The following COL22A1 variants were observed in gnomAD, a reference collection of about 807,000 sequenced individuals.
COL22A1 encodes collagen type XXII alpha 1 chain.
A neutral mutation model predicts 248.9 loss-of-function variants in COL22A1; 221 were observed. That is an observed-to-expected ratio of 0.89 (90% CI 0.80 to 0.99). The LOEUF is 0.99. Ranked by LOEUF, COL22A1 falls within the 50% of genes least tolerant of loss-of-function variation. COL22A1 has a pLI of 0.00. For missense variants in COL22A1, 2,240 were observed against 2,179.0 expected (o/e 1.03, Z -0.56); for synonymous variants, 891 against 793.4 (o/e 1.12, Z -2.07).
chr8:138,636,806 A>G lies in COL22A1; in HGVS notation c.3502-11T>C, dbSNP rs756869287. 1.2e-6 allele frequency: 2 copies of G among 1,609,882 alleles called. No individual in the cohort carries two copies. The highest frequency in any genetic ancestry group is 2.2e-5 in the South Asian group (2 of 90,778). On this transcript the variant is annotated splice_polypyrimidine_tract_variant and intron_variant, in intron 47 of 64. Coordinates refer to ENST00000303045, the MANE Select transcript of COL22A1 (RefSeq NM_152888.3). ...TTCTCCTTGACTTCCCTTGAAAGGA[A>G]AAAAAAGAAAAGAAAGATGTCACTG...
At chr8:138,702,225 C>T (rs1828027196) in intron 31 of COL22A1, among the ~76,000 whole-genome samples, 1 of 152,188 alleles carries the variant, frequency 6.6e-6, no homozygotes, top group Non-Finnish European at 1.5e-5. Context: ...CTGCCCTGCA[C>T]CCCTGCCAAT....
chr8:138,725,486 G>A (rs1450069018), intron 23 of COL22A1, 46 bp from the exon 24 acceptor site: 2 of 1,534,498 alleles, frequency 1.3e-6, no homozygotes, highest in East Asian at 4.5e-5. Flanking sequence ...GTCCTGATGA[G>A]CCTCCTAGGG....
rs544123920 is a variant in COL22A1, at chr8:138,896,930, G to C, written c.-72-13686C>G. Among the ~76,000 whole-genome samples the C allele has an allele frequency of 2.6e-5, 4 of 151,780 alleles. No homozygotes were observed. The South Asian group carries it at 8.3e-4, about 32-fold the overall frequency. On this transcript the variant is annotated intron_variant, in intron 1 of 64. Coordinates refer to ENST00000303045, the MANE Select transcript of COL22A1 (RefSeq NM_152888.3). ...AGAGGTTACAGTGAGCCAAGATTGTGCCACTGCACTCCAGCCTGGGTGACA... is the reference window on the plus strand; with the variant it reads ...AGAGGTTACAGTGAGCCAAGATTGTCCCACTGCACTCCAGCCTGGGTGACA...
At chr8:138,884,665 A>G (rs566529854) in intron 1 of COL22A1, among the ~76,000 whole-genome samples, 1 of 152,294 alleles carries the variant, frequency 6.6e-6, no homozygotes, top group African/African-American at 2.4e-5. Flanking sequence ...CCATGAAATG[A>G]CATCCTACGA....
At chr8:138,705,911 G>A (rs1828391970) in intron 30 of COL22A1, among the ~76,000 whole-genome samples, 1 of 152,092 alleles carries the variant, frequency 6.6e-6, no homozygotes, top group Non-Finnish European at 1.5e-5. Context: ...GACACACATA[G>A]GCTCAAAACA....
intron 23 of COL22A1, among the ~76,000 whole-genome samples, chr8:138,726,824 A>C (rs1830353956): frequency 6.6e-6 from 1 of 152,226 alleles, no homozygotes; most frequent in Non-Finnish European, 1.5e-5. Context: ...CTCAGAGGCC[A>C]CGGGCTGTCA....
At chr8:138,645,898 T>C (rs1235974855) in intron 47 of COL22A1, among the ~76,000 whole-genome samples, 2 of 152,056 alleles carry the variant, frequency 1.3e-5, no homozygotes, top group Non-Finnish European at 2.9e-5. Flanking sequence ...CCACAAGAGA[T>C]AAGGGAGCAC....
At chr8:138,633,368 G>C (rs187810076) in intron 49 of COL22A1, among the ~76,000 whole-genome samples, 295 of 152,254 alleles carry the variant, frequency 1.9e-3, no homozygotes, top group Middle Eastern at 3.4e-3. Flanking sequence ...ACATCATCTA[G>C]CATGAGAATA....
intron 3 of COL22A1, among the ~76,000 whole-genome samples, chr8:138,866,276 A>T (rs1822886716): frequency 1.3e-5 from 2 of 152,194 alleles, no homozygotes. Context: ...TCATTCTCTG[A>T]CAAGTGTAAA....
At chr8:138,660,981 C>CAG (rs1823873430) in intron 43 of COL22A1, among the ~76,000 whole-genome samples, 1 of 138,954 alleles carries the variant, frequency 7.2e-6, no homozygotes, top group Non-Finnish European at 1.6e-5. Flanking sequence ...CACATACACA[C>CAG]ACACATACAC....
chr8:138,806,129 GGTGTGTGGTGGTGT>G (rs1563788646), intron 10 of COL22A1, among the ~76,000 whole-genome samples: 10 of 93,818 alleles, frequency 1.1e-4, no homozygotes, highest in African/African-American at 1.2e-4. Context: ...TGTAGGTAAT[GGTGTGTGGTGGTGT>G]GTGTGTGATG....
intron 39 of COL22A1, among the ~76,000 whole-genome samples, chr8:138,680,751 A>G (rs1469642636): frequency 6.6e-6 from 1 of 152,214 alleles, no homozygotes; most frequent in East Asian, 1.9e-4. Context: ...ATGAAAGATG[A>G]CCTCAAATTC....
chr8:138,881,805 T>C (rs925427595), intron 2 of COL22A1, among the ~76,000 whole-genome samples: 6 of 152,206 alleles, frequency 3.9e-5, no homozygotes, highest in African/African-American at 4.8e-5. Context: ...ATCCCACCTG[T>C]CTGTGTATCG....
intron 12 of COL22A1, among the ~76,000 whole-genome samples, chr8:138,783,297 A>AT (rs1563758261): frequency 1.3e-5 from 2 of 151,782 alleles, no homozygotes; most frequent in South Asian, 2.1e-4. Context: ...AAATATATAT[A>AT]TATTTTTTTC....
intron 62 of COL22A1, 74 bp from the exon 63 acceptor site, chr8:138,594,273 C>A: frequency 7.4e-7 from 1 of 1,350,786 alleles, no homozygotes; most frequent in South Asian, 1.4e-5. Flanking sequence ...TACTCACTGA[C>A]AACTCAGAAC....
rs73723537 is a variant in COL22A1, at chr8:138,811,553, T to A, written c.1449+246A>T. 6.4e-3 allele frequency among the ~76,000 whole-genome samples: 969 copies of A among 151,950 alleles called. 12 individuals are homozygous for A. Among genetic ancestry groups the A allele is most frequent in the African/African-American group, 0.022 (904 of 41,426 alleles). On this transcript the variant is annotated intron_variant, in intron 9 of 64. Coordinates refer to ENST00000303045, the MANE Select transcript of COL22A1 (RefSeq NM_152888.3). Reference sequence around the variant, plus strand: ...CCCCTGAGTGGAGATCACAAAGGAGTAACCTGGGAAGCCTGGGGAACGCAC... The same window carrying A: ...CCCCTGAGTGGAGATCACAAAGGAGAAACCTGGGAAGCCTGGGGAACGCAC...
intron 24 of COL22A1, 75 bp from the exon 25 acceptor site, chr8:138,724,743 G>A: frequency 6.9e-7 from 1 of 1,457,764 alleles, no homozygotes; most frequent in Non-Finnish European, 9.6e-7. Flanking sequence ...CTCTTTCCTG[G>A]CATGGGCCCA....
At chr8:138,691,290 T>C (rs564685375) in intron 35 of COL22A1, among the ~76,000 whole-genome samples, 3 of 152,354 alleles carry the variant, frequency 2.0e-5, no homozygotes, top group South Asian at 4.1e-4. Context: ...TGTATGTGTA[T>C]GTGTGCACGT....
intron 5 of COL22A1, among the ~76,000 whole-genome samples, chr8:138,831,595 G>C (rs900413389): frequency 6.6e-6 from 1 of 152,134 alleles, no homozygotes; most frequent in Non-Finnish European, 1.5e-5. Flanking sequence ...AGCAGGGCAC[G>C]TGTCCCAGGT....
Sources: allele counts gnomAD v4.1 joint callset (sites outside exome capture counted in the v4.1 genomes callset), GRCh38; gene constraint gnomAD v4.1.1; transcripts MANE v1.5; gene names NCBI Gene and HGNC (gene_info 2026-07-23, HGNC 2026-07-21).